GLCCI1: variants seen among roughly 807,000 people sequenced by gnomAD.
GLCCI1 encodes the protein glucocorticoid induced 1.
GLCCI1 carries 24 observed loss-of-function variants against 52.2 expected under a neutral mutation model. The observed-to-expected ratio is 0.46, with a 90% CI of 0.33 to 0.65. The LOEUF (loss-of-function observed/expected upper bound fraction) is 0.65, where lower values mean the gene tolerates loss of function less well. Among genes scored for constraint, GLCCI1 ranks in the 30% least tolerant of loss-of-function variants. The pLI is 0.02. For synonymous variants in GLCCI1, 310 were observed against 276.5 expected (o/e 1.12, Z -1.20); for missense variants, 704 against 701.5 (o/e 1.00, Z -0.04).
intron 5 of GLCCI1, among the ~76,000 whole-genome samples, chr7:8,069,066 C>G (rs962589877): frequency 3.9e-5 from 6 of 152,094 alleles, no homozygotes; most frequent in Admixed American, 1.3e-4. Context: ...CTCTCCTACT[C>G]AAGTGCTGGC....
chr7:8,078,760 G>T (rs1782927404), intron 6 of GLCCI1: 1 of 152,108 alleles, frequency 6.6e-6, no homozygotes, highest in Non-Finnish European at 1.5e-5. Context: ...GAGGGAGGAG[G>T]AGGAGATCAG....
intron 2 of GLCCI1, among the ~76,000 whole-genome samples, chr7:8,014,862 C>G (rs1244197863): frequency 2.6e-5 from 4 of 152,068 alleles, no homozygotes; most frequent in Admixed American, 2.6e-4. Flanking sequence ...TTCCCTTTCT[C>G]CAGGTGATGG....
intron 1 of GLCCI1, among the ~76,000 whole-genome samples, chr7:7,996,790 A>G (rs1780946966): frequency 6.6e-6 from 1 of 152,176 alleles, no homozygotes; most frequent in Non-Finnish European, 1.5e-5. Context: ...CAGATTCTGC[A>G]GGGCAGCCAT....
chr7:8,010,936 A>G (rs1227340700), intron 2 of GLCCI1, among the ~76,000 whole-genome samples: 5 of 148,700 alleles, frequency 3.4e-5, no homozygotes, highest in Non-Finnish European at 7.4e-5. Context: ...TTTTTTTTCT[A>G]TTTTTTAAGT....
At chr7:7,999,555 T>C (rs1393461181) in intron 1 of GLCCI1, among the ~76,000 whole-genome samples, 1 of 151,674 alleles carries the variant, frequency 6.6e-6, no homozygotes, top group African/African-American at 2.4e-5. Flanking sequence ...TGCAGTGAGC[T>C]ACGATCACGC....
At chr7:7,972,323 A>ATGTGTGTGTGTG (rs140431128) in intron 1 of GLCCI1, among the ~76,000 whole-genome samples, 1 of 149,690 alleles carries the variant, frequency 6.7e-6, no homozygotes, top group Admixed American at 6.7e-5. Context: ...ACTTCAGTGT[A>ATGTGTGTGTGTG]TGTGTGTGTG....
intron 3 of GLCCI1, among the ~76,000 whole-genome samples, chr7:8,053,841 AT>A (rs1214046342): frequency 6.6e-6 from 1 of 152,160 alleles, no homozygotes; most frequent in African/African-American, 2.4e-5. Flanking sequence ...TGTCTTTGGA[AT>A]TCACAGTACA....
intron 3 of GLCCI1, among the ~76,000 whole-genome samples, chr7:8,053,335 G>GTTTT (rs369225877): frequency 0.29 from 38,869 of 133,154 alleles, 5,995 homozygotes; most frequent in African/African-American, 0.42. Context: ...TTGTTTGTTT[G>GTTTT]TTTGTTTTGA....
intron 3 of GLCCI1, among the ~76,000 whole-genome samples, chr7:8,036,787 A>AC (rs538781955): frequency 1.3e-5 from 2 of 152,200 alleles, no homozygotes; most frequent in Non-Finnish European, 2.9e-5. Flanking sequence ...AGTAGACTAA[A>AC]CCAATGAGAA....
intron 3 of GLCCI1, among the ~76,000 whole-genome samples, chr7:8,051,835 A>G (rs988890617): frequency 2.0e-5 from 3 of 152,124 alleles, no homozygotes; most frequent in African/African-American, 7.2e-5. Flanking sequence ...ACTGCTTTGT[A>G]GGTGTTCTTT....
intron 6 of GLCCI1, among the ~76,000 whole-genome samples, chr7:8,079,318 G>GTGTTTCAGGCACTAT (rs1562453216): frequency 6.9e-6 from 1 of 145,836 alleles, no homozygotes; most frequent in African/African-American, 2.8e-5. Context: ...TGGAAATTTT[G>GTGTTTCAGGCACTAT]CCATTTAATA....
intron 6 of GLCCI1, among the ~76,000 whole-genome samples, chr7:8,077,377 T>TTAGA (rs2127967123): frequency 6.6e-6 from 1 of 152,280 alleles, no homozygotes; most frequent in African/African-American, 2.4e-5. Context: ...AAACAGAATA[T>TTAGA]TAGATTGGAA....
At chr7:8,026,621 A>G (rs1781627990) in intron 3 of GLCCI1, among the ~76,000 whole-genome samples, 1 of 152,264 alleles carries the variant, frequency 6.6e-6, no homozygotes, top group Non-Finnish European at 1.5e-5. Context: ...TTTGGGGAAG[A>G]AGAGCACAGC....
chr7:8,022,244 A>T (rs891329790), intron 2 of GLCCI1, among the ~76,000 whole-genome samples: 13 of 152,126 alleles, frequency 8.5e-5, no homozygotes, highest in Non-Finnish European at 1.2e-4. Context: ...TATGTTATTG[A>T]TGTGAAGATA....
chr7:8,046,288 CCCTCCCTCAACCATCTGAGTGGACTCCCT>C (rs1562440924), intron 3 of GLCCI1, among the ~76,000 whole-genome samples: 1 of 152,100 alleles, frequency 6.6e-6, no homozygotes, highest in African/African-American at 2.4e-5. Context: ...AAATTCAGAG[CCCTCCCTCAACCATCTGAGTGGACTCCCT>C]CCTCTCGTCC....
chr7:7,978,329 C>A (rs1780537692), intron 1 of GLCCI1, among the ~76,000 whole-genome samples: 1 of 152,146 alleles, frequency 6.6e-6, no homozygotes, highest in South Asian at 2.1e-4. Flanking sequence ...TTATGATTCT[C>A]TACATTTATC....
intron 1 of GLCCI1, among the ~76,000 whole-genome samples, chr7:7,977,459 A>C (rs1198413031): frequency 6.6e-6 from 1 of 152,226 alleles, no homozygotes; most frequent in Non-Finnish European, 1.5e-5. Context: ...CTAATTATCA[A>C]ATGAAAGGCC....
chr7:8,031,117 G>C, intron 3 of GLCCI1, among the ~76,000 whole-genome samples: 1 of 152,136 alleles, frequency 6.6e-6, no homozygotes, highest in Non-Finnish European at 1.5e-5. Flanking sequence ...GTTCACAATA[G>C]CCAAGATTTG....
intron 6 of GLCCI1, among the ~76,000 whole-genome samples, chr7:8,076,399 G>T (rs145473171): frequency 6.6e-6 from 1 of 152,090 alleles, no homozygotes; most frequent in Non-Finnish European, 1.5e-5. Flanking sequence ...TCCAACAAAG[G>T]AGTTAGTCTA....
Sources: gnomAD v4.1 joint callset for allele counts (sites outside exome capture counted in the v4.1 genomes callset) on GRCh38, gnomAD v4.1.1 for gene constraint, MANE v1.5 for transcripts, NCBI Gene and HGNC (gene_info 2026-07-23, HGNC 2026-07-21) for gene names.